The following PDE4B variants were observed in gnomAD, a reference collection of about 807,000 sequenced individuals.
PDE4B encodes the protein 3',5'-cyclic-AMP phosphodiesterase 4B.
A neutral mutation model predicts 82.2 loss-of-function variants in PDE4B; 20 were observed. The observed-to-expected ratio is 0.24, with a 90% CI of 0.17 to 0.35. The LOEUF is 0.35. PDE4B is among the 10% of genes least tolerant of loss of function. PDE4B has a pLI of 1.00. For synonymous variants in PDE4B, 320 were observed against 318.9 expected (o/e 1.00, Z -0.04); for missense variants, 655 against 907.2 (o/e 0.72, Z 3.57).
At chr1:66,122,695 CTT>C (rs1645735175) in intron 3 of PDE4B, among the ~76,000 whole-genome samples, 1 of 122,990 alleles carries the variant, frequency 8.1e-6, no homozygotes, top group Non-Finnish European at 1.6e-5. Flanking sequence ...TTTTCTTTCT[CTT>C]CTTTTCTTTT....
At chr1:65,897,737 A>T (rs547567261) in intron 1 of PDE4B, among the ~76,000 whole-genome samples, 7 of 152,058 alleles carry the variant, frequency 4.6e-5, no homozygotes, top group Admixed American at 3.3e-4. Flanking sequence ...TCTACCATTG[A>T]TGGGCACACA....
At chr1:66,040,875 G>C (rs1654330271) in intron 3 of PDE4B, among the ~76,000 whole-genome samples, 1 of 151,630 alleles carries the variant, frequency 6.6e-6, no homozygotes, top group Non-Finnish European at 1.5e-5. Context: ...GGAGAGGAGG[G>C]CTTTTAAAAG....
At chr1:66,285,324 ATTAT>A (rs1381726076) in intron 7 of PDE4B, among the ~76,000 whole-genome samples, 1 of 152,170 alleles carries the variant, frequency 6.6e-6, no homozygotes, top group Non-Finnish European at 1.5e-5. Context: ...TATTAGCAGC[ATTAT>A]TTATTTGTTT....
intron 6 of PDE4B, among the ~76,000 whole-genome samples, chr1:66,262,339 C>T (rs540998264): frequency 1.1e-3 from 173 of 152,324 alleles, no homozygotes; most frequent in Middle Eastern, 3.4e-3. Flanking sequence ...TAGTTGCTGC[C>T]TGCTCTTCTC....
intron 7 of PDE4B, among the ~76,000 whole-genome samples, chr1:66,271,194 A>G (rs535830710): frequency 3.3e-5 from 5 of 152,380 alleles, no homozygotes; most frequent in Admixed American, 3.3e-4. Flanking sequence ...GATATTGTCA[A>G]ATATAACACC....
intron 3 of PDE4B, among the ~76,000 whole-genome samples, chr1:65,972,904 A>G (rs1433056976): frequency 6.6e-6 from 1 of 152,204 alleles, no homozygotes; most frequent in Non-Finnish European, 1.5e-5. Flanking sequence ...CATAGAGTTG[A>G]ACATGACAAA....
At chr1:66,316,705 C>T (rs1392104310) in intron 7 of PDE4B, among the ~76,000 whole-genome samples, 1 of 152,152 alleles carries the variant, frequency 6.6e-6, no homozygotes, top group African/African-American at 2.4e-5. Context: ...CATTATACTG[C>T]ATTAGACACT....
At chr1:66,060,263 A>G (rs1655514641) in intron 3 of PDE4B, among the ~76,000 whole-genome samples, 1 of 152,176 alleles carries the variant, frequency 6.6e-6, no homozygotes, top group Admixed American at 6.6e-5. Flanking sequence ...GACTATTACT[A>G]ACTCTTTCGG....
downstream of PDE4B, chr1:66,374,577 T>G (rs2050902224): frequency 6.6e-6 from 1 of 152,634 alleles, no homozygotes; most frequent in Non-Finnish European, 1.5e-5. Flanking sequence ...CATGATTAGA[T>G]TAGTCTGTAG....
At chr1:66,205,099 G>A (rs1251282898) in intron 3 of PDE4B, among the ~76,000 whole-genome samples, 1 of 152,182 alleles carries the variant, frequency 6.6e-6, no homozygotes, top group Non-Finnish European at 1.5e-5. Flanking sequence ...TCTATGCAGA[G>A]AAAAACTTAA....
intron 3 of PDE4B, among the ~76,000 whole-genome samples, chr1:66,128,584 T>C (rs1490628160): frequency 6.6e-6 from 1 of 152,140 alleles, no homozygotes; most frequent in African/African-American, 2.4e-5. Flanking sequence ...ATTTATTTGA[T>C]GTTGGACATA....
At chr1:65,921,949 C>G (rs1222017840) in intron 3 of PDE4B, among the ~76,000 whole-genome samples, 1 of 152,140 alleles carries the variant, frequency 6.6e-6, no homozygotes, top group Non-Finnish European at 1.5e-5. Context: ...TAATTTGAAT[C>G]CGTTCTAATG....
intron 3 of PDE4B, among the ~76,000 whole-genome samples, chr1:65,980,311 A>G (rs760150168): frequency 6.6e-6 from 1 of 152,232 alleles, no homozygotes; most frequent in Non-Finnish European, 1.5e-5. Context: ...TATGTTTTAT[A>G]CATAATGTAC....
chr1:66,363,656 A>C (rs1381845795), intron 12 of PDE4B, 85 bp downstream of exon 12: 2 of 1,092,940 alleles, frequency 1.8e-6, no homozygotes, highest in Non-Finnish European at 2.7e-6. Context: ...ATGTGCCTGT[A>C]GTCCTAGCTA....
chr1:66,295,804 G>A (rs1168410434), intron 7 of PDE4B, among the ~76,000 whole-genome samples: 1 of 152,126 alleles, frequency 6.6e-6, no homozygotes, highest in Non-Finnish European at 1.5e-5. Context: ...AGATTTCTAT[G>A]TACAACTTTC....
intron 1 of PDE4B, among the ~76,000 whole-genome samples, chr1:65,826,286 T>C (rs1042183982): frequency 9.9e-5 from 15 of 152,218 alleles, no homozygotes; most frequent in Non-Finnish European, 1.6e-4. Context: ...AGCATAGATA[T>C]TTAATAAATA....
intron 7 of PDE4B, among the ~76,000 whole-genome samples, chr1:66,321,044 T>C (rs1659370478): frequency 6.6e-6 from 1 of 152,154 alleles, no homozygotes; most frequent in South Asian, 2.1e-4. Flanking sequence ...ACCATCCAAC[T>C]AGTTCTCCTG....
intron 7 of PDE4B, among the ~76,000 whole-genome samples, chr1:66,276,646 T>G (rs1655898606): frequency 6.6e-6 from 1 of 152,266 alleles, no homozygotes; most frequent in South Asian, 2.1e-4. Flanking sequence ...ATTCATTCAT[T>G]AATGTATTTA....
intron 8 of PDE4B, among the ~76,000 whole-genome samples, chr1:66,340,386 C>A (rs1371946027): frequency 1.3e-5 from 2 of 152,106 alleles, no homozygotes; most frequent in Non-Finnish European, 2.9e-5. Flanking sequence ...ATAATTTTTT[C>A]TTCTTATGGA....
Sources: gnomAD v4.1 joint callset for allele counts (sites outside exome capture counted in the v4.1 genomes callset) on GRCh38, gnomAD v4.1.1 for gene constraint, MANE v1.5 for transcripts, NCBI Gene and HGNC (gene_info 2026-07-23, HGNC 2026-07-21) for gene names.